The following LRPPRC variants were observed in gnomAD, a reference collection of about 807,000 sequenced individuals.
LRPPRC encodes leucine rich pentatricopeptide repeat containing.
LRPPRC carries 120 observed loss-of-function variants against 180.3 expected under a neutral mutation model. The ratio of observed to expected loss-of-function variants is 0.67; its 90% CI spans 0.57 to 0.77. The LOEUF (loss-of-function observed/expected upper bound fraction) is 0.77. Among genes scored for constraint, LRPPRC ranks in the 30% least tolerant of loss-of-function variants. The probability of loss-of-function intolerance (pLI) is 0.00; values close to 1 mark genes in which losing one functional copy is unlikely to be tolerated. For missense variants in LRPPRC, 2,012 were observed against 1,657.2 expected (o/e 1.21, Z -3.72); for synonymous variants, 723 against 600.0 (o/e 1.21, Z -3.00).
chr2:43,961,968 A>G (rs1673365717), intron 12 of LRPPRC, among the ~76,000 whole-genome samples: 1 of 152,216 alleles, frequency 6.6e-6, no homozygotes, highest in Non-Finnish European at 1.5e-5. Flanking sequence ...GCCTCAAAAA[A>G]CAAAGAAAAA....
intron 29 of LRPPRC, among the ~76,000 whole-genome samples, chr2:43,917,345 G>A (rs1018064278): frequency 3.3e-5 from 5 of 151,552 alleles, no homozygotes; most frequent in African/African-American, 9.7e-5. Context: ...CACAATGCCC[G>A]GCCTGCTTCG....
At chr2:43,897,331 T>G (rs553972461) in intron 34 of LRPPRC, among the ~76,000 whole-genome samples, 1 of 152,176 alleles carries the variant, frequency 6.6e-6, no homozygotes, top group Non-Finnish European at 1.5e-5. Flanking sequence ...TATCCAATCT[T>G]AGATGCTATA....
At chr2:43,969,909 C>CA (rs1189478138) in intron 11 of LRPPRC, among the ~76,000 whole-genome samples, 6 of 152,118 alleles carry the variant, frequency 3.9e-5, no homozygotes, top group African/African-American at 1.4e-4. Context: ...ATCCTGGGCT[C>CA]AACTAATGCC....
intron 11 of LRPPRC, among the ~76,000 whole-genome samples, chr2:43,970,244 A>G (rs1394887492): frequency 2.0e-5 from 3 of 152,164 alleles, no homozygotes; most frequent in Non-Finnish European, 4.4e-5. Flanking sequence ...GCTCATTTAC[A>G]TTATCTATTT....
In LRPPRC at chr2:43,948,399, A is replaced by C. The variant is rs779173285; in HGVS notation, c.1842+13T>G. 6.4e-7 allele frequency: 1 copy of C among 1,572,528 alleles called. No individual in the cohort carries two copies. Among genetic ancestry groups the C allele is most frequent in the Non-Finnish European group, 8.8e-7 (1 of 1,142,250 alleles). ...GCAGGACAGGCATTATATAGCAAAA[A>C]ACGAAATGGTACCATCTTCTCCAGC... On this transcript the variant is annotated intron_variant, in intron 17 of 37. Transcript: ENST00000260665.
At chr2:43,950,478 A>G in intron 15 of LRPPRC, 95 bp downstream of exon 15, 2 of 1,145,324 alleles carry the variant, frequency 1.7e-6, no homozygotes, top group South Asian at 2.5e-5. Flanking sequence ...TAGAAAACCA[A>G]ATATAGGTTT....
chr2:43,918,712 C>T (rs1424981517), intron 27 of LRPPRC, among the ~76,000 whole-genome samples: 1 of 150,040 alleles, frequency 6.7e-6, no homozygotes, highest in African/African-American at 2.4e-5. Context: ...TGCCTACTGC[C>T]GAAATCAAAA....
intron 31 of LRPPRC, chr2:43,901,840 A>G (rs1298436990): frequency 7.6e-6 from 2 of 263,084 alleles, no homozygotes; most frequent in Non-Finnish European, 1.5e-5. Context: ...ATGAATACAA[A>G]TAAGAAAGAT....
rs770071082 is a variant in LRPPRC at position 43,973,875 on chromosome 2, C to A, written c.1181G>T (p.Cys394Phe). 6.2e-7 allele frequency: 1 copy of A among 1,612,020 alleles called. No individual in the cohort carries two copies. The highest frequency in any genetic ancestry group is 1.1e-5 in the South Asian group (1 of 91,048). ...NTPVEKLTDY[C>F]KKLKEVQMHS... ...CATCTGGACTTCCTTTAACTTCTTACAGTAGTCTGTTAGCTTCTCCACAGG... is the reference window on the plus strand; with the variant it reads ...CATCTGGACTTCCTTTAACTTCTTAAAGTAGTCTGTTAGCTTCTCCACAGG... Residue 394 changes from cysteine (C) to phenylalanine (F), a missense_variant, in exon 10 of 38, where the codon TGT becomes TTT. Cys to Phe is a radical substitution (Grantham distance 205). Coordinates refer to ENST00000260665, the MANE Select transcript of LRPPRC (RefSeq NM_133259.4).
chr2:43,941,415 T>C (rs1672476338), intron 23 of LRPPRC, among the ~76,000 whole-genome samples: 1 of 152,192 alleles, frequency 6.6e-6, no homozygotes, highest in Non-Finnish European at 1.5e-5. Flanking sequence ...TGTTTCAAAA[T>C]GTTTTTTATA....
rs1477107734 is a variant in LRPPRC, at chr2:43,889,862, C to T, written c.4000G>A (p.Val1334Ile). 5 of 1,607,818 alleles carry T rather than the reference C, an allele frequency of 3.1e-6. No homozygotes were observed. The highest frequency in any genetic ancestry group is 4.3e-6 in the Non-Finnish European group (5 of 1,174,212). ...LMKSYVSEKD[V>I]TSAKALYEHL... ...TCATACAGTGCTTTAGCAGATGTGA[C>T]ATCTTTCTCTGAGACTGACATAAAG... The change falls in exon 37 of 38, where the codon GTC (valine) becomes ATC (isoleucine). Residue 1334 changes from valine (V) to isoleucine (I), a missense_variant. Transcript: ENST00000260665.
chr2:43,996,150 T>A (rs1289274470), upstream of LRPPRC: 3 of 541,378 alleles, frequency 5.5e-6, no homozygotes, highest in Non-Finnish European at 9.7e-6. Context: ...ATAAACGATG[T>A]TGCTTGATTC....
intron 23 of LRPPRC, among the ~76,000 whole-genome samples, chr2:43,937,549 G>A (rs927273133): frequency 6.6e-6 from 1 of 152,140 alleles, no homozygotes; most frequent in African/African-American, 2.4e-5. Context: ...AATTTGCATT[G>A]CTATGAAGAT....
chr2:43,898,304 T>C (rs1483658002), intron 34 of LRPPRC, among the ~76,000 whole-genome samples: 1 of 151,530 alleles, frequency 6.6e-6, no homozygotes, highest in East Asian at 1.9e-4. Context: ...AAACTGGAGG[T>C]CAAGCACATG....
At chr2:43,889,314 C>CAAAAAAAAA (rs780032604) in intron 37 of LRPPRC, among the ~76,000 whole-genome samples, 4 of 38,336 alleles carry the variant, frequency 1.0e-4, no homozygotes, top group Admixed American at 4.6e-4. Flanking sequence ...GACTCCATCT[C>CAAAAAAAAA]AAAAAAAAAA....
chr2:43,967,543 A>C (rs918394169), intron 11 of LRPPRC, among the ~76,000 whole-genome samples: 1 of 152,188 alleles, frequency 6.6e-6, no homozygotes, highest in East Asian at 1.9e-4. Flanking sequence ...TAATGTTTTT[A>C]ATTAGCCAGG....
At chr2:43,940,294 T>G (rs1244825124) in intron 23 of LRPPRC, among the ~76,000 whole-genome samples, 17 of 152,104 alleles carry the variant, frequency 1.1e-4, no homozygotes, top group Non-Finnish European at 1.5e-5. Flanking sequence ...AATGAAAGTA[T>G]CCAGTACAAA....
chr2:43,943,637 A>G, intron 23 of LRPPRC, 50 bp downstream of exon 23: 1 of 1,443,958 alleles, frequency 6.9e-7, no homozygotes, highest in South Asian at 1.1e-5. Flanking sequence ...AAATTATTAG[A>G]CTCATTCTTT....
intron 20 of LRPPRC, 42 bp downstream of exon 20, chr2:43,947,215 T>G (rs368326938): frequency 3.3e-6 from 3 of 908,364 alleles, no homozygotes; most frequent in Non-Finnish European, 5.2e-6. Flanking sequence ...TTACCAAGAA[T>G]TTTTTGCCTT....
Sources: allele counts gnomAD v4.1 joint callset (sites outside exome capture counted in the v4.1 genomes callset), GRCh38; gene constraint gnomAD v4.1.1; transcripts MANE v1.5; gene names NCBI Gene and HGNC (gene_info 2026-07-23, HGNC 2026-07-21).